The following TRPM2 variants were observed in gnomAD, a reference collection of about 807,000 sequenced individuals.
The protein encoded by TRPM2 is transient receptor potential cation channel subfamily M member 2, also known as estrogen-responsive element-associated gene 1 protein.
In TRPM2, 161 loss-of-function variants were observed where a neutral mutation model predicts 174.0. That is an observed-to-expected ratio of 0.93 (90% confidence interval 0.81 to 1.05). The LOEUF is 1.05. Ranked by LOEUF, TRPM2 falls within the 50% of genes least tolerant of loss-of-function variation. The pLI, the probability that TRPM2 is intolerant of heterozygous loss-of-function variation, is 0.00. For missense variants in TRPM2, 2,057 were observed against 2,038.0 expected (o/e 1.01, Z -0.18); for synonymous variants, 954 against 861.3 (o/e 1.11, Z -1.88).
rs76822054 is a variant in TRPM2 at position 44,367,559 on chromosome 21, C to T, written c.604+625C>T. On this transcript the variant is annotated intron_variant, in intron 4 of 31. Transcript: ENST00000397928. This position sits in a 1 kb window ranked among gnomAD's most constrained non-coding sequence, Gnocchi z 4.6. ...GATCCCAGGTGCCGTGACCTGGTGC[C>T]CCGCCCCACCCTAATTCCATGGGGA... 0.022 allele frequency among the ~76,000 whole-genome samples: 3,286 copies of T among 152,288 alleles called. 104 individuals are homozygous for T. Among genetic ancestry groups the T allele is most frequent in the African/African-American group, 0.075 (3,123 of 41,550 alleles).
intron 19 of TRPM2, among the ~76,000 whole-genome samples, chr21:44,407,732 C>G (rs926982395): frequency 1.3e-4 from 20 of 151,600 alleles, no homozygotes; most frequent in African/African-American, 4.8e-4. Context: ...CTTGATGTCC[C>G]GTTTTCAAGG....
Position 44,391,468 on chromosome 21 carries a change from G to A in TRPM2, c.1637G>A (p.Arg546His), listed in dbSNP as rs2049171444. The A allele has an allele frequency of 1.2e-6, 2 of 1,611,444 alleles. No homozygotes were observed. Among genetic ancestry groups the A allele is most frequent in the African/African-American group, 1.3e-5 (1 of 74,924 alleles). ...LQKVLVEDPE[R>H]PACAPAAPRL... ...AAGGTGCTGGTGGAGGATCCCGAGCGCCCGGCTTGCGCGCCCGCGGCGCCC... is the reference window on the plus strand; with the variant it reads ...AAGGTGCTGGTGGAGGATCCCGAGCACCCGGCTTGCGCGCCCGCGGCGCCC... Residue 546 changes from arginine to histidine, a missense_variant, in exon 11 of 32, where the codon CGC (arginine) becomes CAC (histidine). Physicochemically the swap from Arg to His is conservative, Grantham distance 29 (BLOSUM62 0). Coordinates refer to ENST00000397928, the MANE Select transcript of TRPM2 (RefSeq NM_003307.4). This position sits in a 1 kb window ranked among gnomAD's most constrained non-coding sequence, Gnocchi z 5.0.
At chr21:44,425,414 C>T (rs2050725047) in intron 24 of TRPM2, 1 of 445,464 alleles carries the variant, frequency 2.2e-6, no homozygotes, top group East Asian at 3.4e-5. Flanking sequence ...GAGTTCAGCT[C>T]ATTGCCGAGG....
chr21:44,365,145 G>A (rs1052605153), intron 3 of TRPM2, among the ~76,000 whole-genome samples: 8 of 150,970 alleles, frequency 5.3e-5, no homozygotes, highest in East Asian at 1.9e-4. Flanking sequence ...TGAGACTTGC[G>A]TGTTGACCAG....
At chr21:44,434,607 G>A (rs1368353947) in intron 27 of TRPM2, among the ~76,000 whole-genome samples, 1 of 152,142 alleles carries the variant, frequency 6.6e-6, no homozygotes, top group East Asian at 1.9e-4. Context: ...AGACCAGCCT[G>A]GCCCCATGGG....
chr21:44,435,660 C>T (rs1452822136), intron 28 of TRPM2, among the ~76,000 whole-genome samples: 60 of 143,126 alleles, frequency 4.2e-4, no homozygotes, highest in African/African-American at 1.5e-3. Context: ...TCTCCACACC[C>T]ATCCACGGGG....
At chr21:44,364,577 G>T (rs930591842) in intron 3 of TRPM2, among the ~76,000 whole-genome samples, 6 of 152,184 alleles carry the variant, frequency 3.9e-5, no homozygotes, top group African/African-American at 1.2e-4. Flanking sequence ...TCCTTGGGCG[G>T]CATTTGTCAG....
At position 44,425,819 on chromosome 21, in the gene TRPM2, C is replaced by A; in HGVS notation, c.3787C>A (p.Pro1263Thr). 1 of 1,570,946 alleles carries A rather than the reference C, an allele frequency of 6.4e-7. No homozygotes were observed. ...TRFPVPNEKV[P>T]WETEFLIYDP... ...CTTCCCCGTGCCCAACGAGAAGGTG[C>A]CCTGGGAGGTGAGCGCCTGCCCAAG... Residue 1263 changes from proline to threonine, a missense_variant, in exon 25 of 32, where the codon CCC becomes ACC. Physicochemically the swap from Pro to Thr is conservative, Grantham distance 38. Transcript: ENST00000397928.
In TRPM2 at chr21:44,353,689, G is replaced by A; in HGVS notation, c.-12G>A. 1 of 1,484,874 alleles carries A rather than the reference G, an allele frequency of 6.7e-7. No individual in the cohort carries two copies. Among genetic ancestry groups the A allele is most frequent in the Non-Finnish European group, 8.9e-7 (1 of 1,120,352 alleles). 92.0% of individuals were successfully genotyped at this position (1,484,874 alleles called of 1,614,324 possible). On this transcript the variant is annotated 5_prime_UTR_variant, in exon 1 of 32. Transcript: ENST00000397928. ...CAGCAGGCCTGGTTGCAGCTGGCGT[G>A]GGGGTCTCAGAATGGAGCCCTCAGC...
upstream of TRPM2, among the ~76,000 whole-genome samples, chr21:44,351,915 C>T (rs1296463608): frequency 1.3e-5 from 2 of 152,210 alleles, no homozygotes; most frequent in African/African-American, 4.8e-5. Context: ...GAAAGATGAG[C>T]GTGTGAACAG....
chr21:44,375,840 T>G lies in TRPM2; in HGVS notation c.779T>G (p.Phe260Cys), dbSNP rs1474735568. ...REGLIHPTGS[F>C]PAEYILDEDG... Reference sequence around the variant, plus strand: ...GCTTCCTGGCCATCCCAGGGCAGCTTCCCCGCCGAGTACATACTGGATGAG... The same window carrying G: ...GCTTCCTGGCCATCCCAGGGCAGCTGCCCCGCCGAGTACATACTGGATGAG... The change falls in exon 6 of 32, where the codon TTC (phenylalanine) becomes TGC (cysteine). Residue 260 changes from phenylalanine (F) to cysteine (C), a missense_variant. Physicochemically the swap from Phe to Cys is radical, Grantham distance 205. Coordinates refer to ENST00000397928, the MANE Select transcript of TRPM2 (RefSeq NM_003307.4). 3 of 1,611,224 alleles carry G rather than the reference T, an allele frequency of 1.9e-6. No individual in the cohort carries two copies. In the South Asian group the frequency reaches 3.3e-5, roughly 18 times the overall value.
chr21:44,355,144 C>T (rs989805357), intron 2 of TRPM2, among the ~76,000 whole-genome samples: 20 of 152,306 alleles, frequency 1.3e-4, no homozygotes, highest in African/African-American at 4.1e-4. Flanking sequence ...CAGAAGACTG[C>T]CCCCCTGCAC....
At chr21:44,408,846 C>G (rs1195544195) in intron 19 of TRPM2, among the ~76,000 whole-genome samples, 1 of 151,838 alleles carries the variant, frequency 6.6e-6, no homozygotes, top group East Asian at 1.9e-4. Flanking sequence ...TTAGTAGATA[C>G]AGAGTTTCAC....
At chr21:44,427,724 G>A (rs892654176) in intron 27 of TRPM2, among the ~76,000 whole-genome samples, 2 of 152,178 alleles carry the variant, frequency 1.3e-5, no homozygotes. Context: ...AGGAACCAAA[G>A]GGTCTGAAGG....
At chr21:44,437,251 A>T in intron 29 of TRPM2, 84 bp downstream of exon 29, 1 of 1,324,972 alleles carries the variant, frequency 7.5e-7, no homozygotes, top group Non-Finnish European at 1.0e-6. Context: ...CACGGACTGG[A>T]CACCAGCCCC....
chr21:44,441,546 C>T (rs2051504883), intron 31 of TRPM2, 146 bp from the exon 32 acceptor site: 7 of 1,162,654 alleles, frequency 6.0e-6, no homozygotes, highest in South Asian at 2.5e-5. Flanking sequence ...TCTGGTGCAC[C>T]TGACGCAGGG....
Position 44,369,290 on chromosome 21 carries a change from G to T in TRPM2, c.718G>T (p.Gly240Ter), listed in dbSNP as rs776353332. 2.8e-5 allele frequency: 45 copies of T among 1,613,776 alleles called. No individual in the cohort carries two copies. The Middle Eastern group carries it at 1.2e-3, about 41-fold the overall frequency. Residue 240 changes from glycine (G) to a stop codon, truncating the protein, a stop_gained, in exon 5 of 32, where the codon GGA (glycine) becomes TGA (stop). Coordinates refer to ENST00000397928, the MANE Select transcript of TRPM2 (RefSeq NM_003307.4). LOFTEE classifies it high-confidence loss of function. ...SYKEGELITI[G>*]VATWGTVHRR... Reference sequence around the variant, plus strand: ...CAAGGAAGGCGAGCTCATCACCATCGGAGTCGCCACCTGGGGCACTGTCCA... The same window carrying T: ...CAAGGAAGGCGAGCTCATCACCATCTGAGTCGCCACCTGGGGCACTGTCCA...
Position 44,375,889 on chromosome 21 carries a change from C to A in TRPM2, c.828C>A (p.Cys276Ter). ...AGGATGGCCAAGGGAACCTGACCTG[C>A]CTAGACAGCAACCACTCTCACTTCA... ...LDEDGQGNLT[C>*]LDSNHSHFIL... The change falls in exon 6 of 32, where the codon TGC becomes TGA. Residue 276 changes from cysteine (C) to a stop codon, truncating the protein, a stop_gained. Transcript: ENST00000397928. LOFTEE classifies it high-confidence loss of function. The A allele has an allele frequency of 6.2e-7, 1 of 1,614,084 alleles. No homozygotes were observed. The highest frequency in any genetic ancestry group is 8.5e-7 in the Non-Finnish European group (1 of 1,180,004).
At position 44,432,909 on chromosome 21, in the gene TRPM2, C is replaced by T. The variant is rs1180868970; in HGVS notation, c.3975-2222C>T. On this transcript the variant is annotated intron_variant, in intron 27 of 31. Coordinates refer to ENST00000397928, the MANE Select transcript of TRPM2 (RefSeq NM_003307.4). The surrounding 1 kb of genome is among the most constrained non-coding windows in gnomAD (Gnocchi z 4.9). ...CGTAGGTTTATGGACGGGCCTATGC[C>T]TTGATGTCGTGATGGAACTACCGGG... Among the ~76,000 whole-genome samples, 1 of 152,156 alleles carries T rather than the reference C, an allele frequency of 6.6e-6. No homozygotes were observed. The highest frequency in any genetic ancestry group is 1.5e-5 in the Non-Finnish European group (1 of 68,034).
Sources: gnomAD v4.1 joint callset for allele counts (sites outside exome capture counted in the v4.1 genomes callset) on GRCh38, gnomAD v4.1.1 for gene constraint, Gnocchi (gnomAD v3.1) non-coding constraint, MANE v1.5 for transcripts, NCBI Gene and HGNC (gene_info 2026-07-23, HGNC 2026-07-21) for gene names.